Variants in SGCD observed in about 807,000 individuals in gnomAD.
The protein encoded by SGCD is sarcoglycan delta, also known as delta-sarcoglycan.
SGCD carries 18 observed loss-of-function variants against 36.6 expected under a neutral mutation model. The ratio of observed to expected loss-of-function variants is 0.49; its 90% confidence interval spans 0.34 to 0.73. The LOEUF is 0.73. Ranked by LOEUF, SGCD falls within the 30% of genes least tolerant of loss-of-function variation. SGCD has a pLI of 0.01. For missense variants in SGCD, 387 were observed against 346.7 expected (o/e 1.12, Z -0.92); for synonymous variants, 133 against 130.6 (o/e 1.02, Z -0.12).
At chr5:156,388,408 A>G (rs1307011428) in intron 3 of SGCD, among the ~76,000 whole-genome samples, 2 of 152,230 alleles carry the variant, frequency 1.3e-5, no homozygotes, top group Admixed American at 6.5e-5. Flanking sequence ...AATCTTTGGC[A>G]TATCTAGTGT....
chr5:156,414,920 CA>C (rs1233236715), intron 3 of SGCD, among the ~76,000 whole-genome samples: 1 of 152,126 alleles, frequency 6.6e-6, no homozygotes, highest in Non-Finnish European at 1.5e-5. Flanking sequence ...TCAGATTTTG[CA>C]CTGTTCTAGG....
intron 4 of SGCD, among the ~76,000 whole-genome samples, chr5:156,536,234 T>G (rs1157985508): frequency 6.6e-6 from 1 of 152,174 alleles, no homozygotes; most frequent in Non-Finnish European, 1.5e-5. Context: ...TCGTTTATAT[T>G]ATCTCCTTTT....
At chr5:156,560,360 T>G (rs1406943196) in intron 4 of SGCD, among the ~76,000 whole-genome samples, 4 of 152,150 alleles carry the variant, frequency 2.6e-5, no homozygotes, top group Non-Finnish European at 5.9e-5. Flanking sequence ...TGTAATTAAA[T>G]TTAAGTAATG....
the SGCD span, among the ~76,000 whole-genome samples, chr5:155,807,609 C>T: frequency 1.3e-5 from 2 of 152,230 alleles, no homozygotes; most frequent in African/African-American, 4.8e-5. Flanking sequence ...ACACTCCTTC[C>T]AAGCTTTCTT....
intron 1 of SGCD, among the ~76,000 whole-genome samples, chr5:155,900,618 C>T (rs201005210): frequency 1.4e-5 from 2 of 145,796 alleles, no homozygotes. Context: ...TATTCCCCTT[C>T]CTGTGTCCAT....
chr5:156,498,120 C>A (rs947770477), intron 3 of SGCD, among the ~76,000 whole-genome samples: 1 of 151,992 alleles, frequency 6.6e-6, no homozygotes, highest in South Asian at 2.1e-4. Flanking sequence ...TCATGTTTTA[C>A]CCTCTTTAAC....
chr5:156,437,990 T>C (rs1199091277), intron 3 of SGCD, among the ~76,000 whole-genome samples: 3 of 152,114 alleles, frequency 2.0e-5, no homozygotes, highest in Admixed American at 1.3e-4. Context: ...TTTAGAGGGA[T>C]TGAAGGCTTA....
At position 156,073,696 on chromosome 5, in the gene SGCD, C is replaced by T. The variant is rs1307156565; in HGVS notation, c.-281-44182C>T. Among the ~76,000 whole-genome samples the T allele has an allele frequency of 4.6e-5, 7 of 152,258 alleles. No homozygotes were observed. In the South Asian group the frequency reaches 1.2e-3, roughly 27 times the overall value. ...CTGTGAGAAATTCAAGAGACTAAGC[C>T]ACATGTTCTCTACCCATGAAGATCA... is the stretch of plus-strand genomic sequence containing the variant. On this transcript the variant is annotated intron_variant, in intron 1 of 9. Transcript: ENST00000517913.
intron 3 of SGCD, among the ~76,000 whole-genome samples, chr5:156,133,329 C>T (rs553154668): frequency 1.3e-5 from 2 of 152,176 alleles, no homozygotes; most frequent in African/African-American, 4.8e-5. Context: ...CATTTACTCT[C>T]TTCAATGAGA....
the SGCD span, among the ~76,000 whole-genome samples, chr5:155,751,087 G>A: frequency 6.6e-5 from 10 of 152,078 alleles, no homozygotes; most frequent in Admixed American, 2.6e-4. Flanking sequence ...TTTTATATTC[G>A]CTTAACACCT....
At chr5:156,344,271 A>G (rs1768822357) in intron 2 of SGCD, among the ~76,000 whole-genome samples, 1 of 152,178 alleles carries the variant, frequency 6.6e-6, no homozygotes. Context: ...ATCAGTGCAC[A>G]TCAGAAGTCA....
At chr5:155,898,801 A>G (rs945575720) in intron 1 of SGCD, among the ~76,000 whole-genome samples, 1 of 152,178 alleles carries the variant, frequency 6.6e-6, no homozygotes, top group Non-Finnish European at 1.5e-5. Context: ...TTGGAGTGGC[A>G]AGAGAAGGAA....
At chr5:156,046,676 T>A (rs2127579790) in intron 1 of SGCD, among the ~76,000 whole-genome samples, 1 of 152,272 alleles carries the variant, frequency 6.6e-6, no homozygotes, top group South Asian at 2.1e-4. Context: ...GTCGTGTGCA[T>A]TCTGATTGCT....
At chr5:155,954,202 G>A (rs576619428) in intron 1 of SGCD, among the ~76,000 whole-genome samples, 7 of 152,220 alleles carry the variant, frequency 4.6e-5, no homozygotes, top group East Asian at 1.9e-4. Flanking sequence ...TTCAAAGAGC[G>A]TTTGAAAGTA....
intron 7 of SGCD, among the ~76,000 whole-genome samples, chr5:156,690,935 A>G (rs1380286669): frequency 6.6e-6 from 1 of 152,136 alleles, no homozygotes; most frequent in African/African-American, 2.4e-5. Flanking sequence ...AGCCGGGTGC[A>G]ATGGCTTACT....
At chr5:156,746,332 CA>C (rs1756936051) in intron 7 of SGCD, among the ~76,000 whole-genome samples, 2 of 152,122 alleles carry the variant, frequency 1.3e-5, no homozygotes, top group South Asian at 4.1e-4. Context: ...TCCAGAAAAA[CA>C]AAACTGGGGG....
intron 1 of SGCD, among the ~76,000 whole-genome samples, chr5:156,108,666 C>G (rs1052266450): frequency 2.0e-5 from 3 of 152,072 alleles, no homozygotes; most frequent in Admixed American, 1.3e-4. Flanking sequence ...TTATTTCTAT[C>G]AAGTCTTACT....
chr5:156,545,669 T>C (rs1445116009), intron 4 of SGCD, among the ~76,000 whole-genome samples: 2 of 152,128 alleles, frequency 1.3e-5, no homozygotes, highest in Non-Finnish European at 2.9e-5. Context: ...CAGGCAGTAA[T>C]GCTCACTCGC....
chr5:155,898,957 G>T (rs542449141), intron 1 of SGCD, among the ~76,000 whole-genome samples: 1 of 152,188 alleles, frequency 6.6e-6, no homozygotes, highest in Non-Finnish European at 1.5e-5. Context: ...ACTTGCTAGG[G>T]CTTGCCTGGA....
Sources: gnomAD v4.1 joint callset for allele counts (sites outside exome capture counted in the v4.1 genomes callset) on GRCh38, gnomAD v4.1.1 for gene constraint, MANE v1.5 for transcripts, NCBI Gene and HGNC (gene_info 2026-07-23, HGNC 2026-07-21) for gene names.